STAG1: variants seen among roughly 807,000 people sequenced by gnomAD.
STAG1 encodes the protein STAG1 cohesin complex component, also known as cohesin subunit SA-1.
STAG1 carries 26 observed loss-of-function variants against 170.9 expected under a neutral mutation model. The observed-to-expected ratio is 0.15, with a 90% CI of 0.11 to 0.21. The LOEUF (loss-of-function observed/expected upper bound fraction) is 0.21, where lower values mean the gene tolerates loss of function less well. Among genes scored for constraint, STAG1 ranks in the 10% least tolerant of loss-of-function variants. The pLI is 1.00. For synonymous variants in STAG1, 514 were observed against 497.7 expected, an observed-to-expected ratio of 1.03 and a Z score of -0.44; for missense variants, 964 against 1,509.5, an observed-to-expected ratio of 0.64 and a Z score of 5.99.
rs1936946442 is a variant in STAG1, at chr3:136,363,265, G to A, written c.2787+101C>T. 8 of 606,966 alleles carry A rather than the reference G, an allele frequency of 1.3e-5. No individual in the cohort carries two copies. In the Admixed American group the frequency reaches 2.2e-4, roughly 17 times the overall value. 37.6% of individuals were successfully genotyped at this position (606,966 alleles called of 1,614,324 possible). ...ATGCACTGACAAAATGATATAAAAT[G>A]ACCTAGTTTAAATGAGATGAGATAC... On this transcript the variant is annotated intron_variant, in intron 26 of 33. Coordinates refer to ENST00000383202, the MANE Select transcript of STAG1 (RefSeq NM_005862.3).
At chr3:136,414,278 A>G (rs1386631714) in intron 21 of STAG1, among the ~76,000 whole-genome samples, 1 of 152,200 alleles carries the variant, frequency 6.6e-6, no homozygotes, top group Non-Finnish European at 1.5e-5. Context: ...AAAACTGGAG[A>G]CAACCCTCTC....
chr3:136,516,713 C>A (rs1224080339), intron 7 of STAG1, among the ~76,000 whole-genome samples: 1 of 152,054 alleles, frequency 6.6e-6, no homozygotes, highest in Admixed American at 6.6e-5. Flanking sequence ...TACTATTATC[C>A]GTTTTTCTCA....
intron 1 of STAG1, among the ~76,000 whole-genome samples, chr3:136,715,028 A>T (rs1252866044): frequency 2.8e-5 from 4 of 141,734 alleles, no homozygotes; most frequent in African/African-American, 7.8e-5. Context: ...TATATATATA[A>T]AATAAAAGTC....
chr3:136,637,909 G>A (rs1940635759), intron 1 of STAG1, among the ~76,000 whole-genome samples: 1 of 146,458 alleles, frequency 6.8e-6, no homozygotes, highest in Admixed American at 6.8e-5. Context: ...GTCTTGCTCT[G>A]TAGCCCAGGT....
chr3:136,461,128 A>T (rs1018515214), intron 13 of STAG1, among the ~76,000 whole-genome samples: 4 of 152,224 alleles, frequency 2.6e-5, no homozygotes, highest in Non-Finnish European at 4.4e-5. Flanking sequence ...GAAAGAAATC[A>T]ACACCCCTTC....
chr3:136,555,472 T>C (rs983927982), intron 5 of STAG1, among the ~76,000 whole-genome samples: 11 of 151,756 alleles, frequency 7.2e-5, no homozygotes, highest in African/African-American at 2.4e-4. Context: ...TCACTGGAGG[T>C]CAGGAGTTTG....
intron 1 of STAG1, among the ~76,000 whole-genome samples, chr3:136,632,170 A>C (rs2107839233): frequency 6.6e-6 from 1 of 152,154 alleles, no homozygotes; most frequent in East Asian, 1.9e-4. Flanking sequence ...ATAATCTTTC[A>C]AAAAAATGAA....
In STAG1 at chr3:136,338,244, T is replaced by A; in HGVS notation, c.*10A>T. 1 of 1,594,730 alleles carries A rather than the reference T, an allele frequency of 6.3e-7. No individual in the cohort carries two copies. Among genetic ancestry groups the A allele is most frequent in the Non-Finnish European group, 8.6e-7 (1 of 1,164,624 alleles). On this transcript the variant is annotated 3_prime_UTR_variant, in exon 34 of 34. Transcript: ENST00000383202. Reference sequence around the variant, plus strand: ...AATAGAGTTCCAGATTTGTAAATTTTCTTCAGACTTCAGAACATAGGCATT... The same window carrying A: ...AATAGAGTTCCAGATTTGTAAATTTACTTCAGACTTCAGAACATAGGCATT...
chr3:136,674,982 G>A (rs905823517), intron 1 of STAG1, among the ~76,000 whole-genome samples: 1 of 152,162 alleles, frequency 6.6e-6, no homozygotes, highest in East Asian at 1.9e-4. Flanking sequence ...ACTAAAAACA[G>A]TAAATTGTGA....
chr3:136,720,119 T>C (rs1933146784), intron 1 of STAG1, among the ~76,000 whole-genome samples: 1 of 144,808 alleles, frequency 6.9e-6, no homozygotes, highest in Non-Finnish European at 1.5e-5. Flanking sequence ...GAGGTTGTGG[T>C]AAGCTGAGAT....
intron 1 of STAG1, among the ~76,000 whole-genome samples, chr3:136,662,965 C>T (rs1178372722): frequency 6.6e-6 from 1 of 152,026 alleles, no homozygotes. Flanking sequence ...GCAGGAGAAT[C>T]GCTTGAACCT....
At chr3:136,555,255 T>G (rs1296892817) in intron 5 of STAG1, among the ~76,000 whole-genome samples, 1 of 151,870 alleles carries the variant, frequency 6.6e-6, no homozygotes, top group Non-Finnish European at 1.5e-5. Flanking sequence ...TGCATGCCTG[T>G]AGTCCTAGCT....
chr3:136,595,625 C>A (rs919163769), intron 4 of STAG1, among the ~76,000 whole-genome samples: 1 of 151,214 alleles, frequency 6.6e-6, no homozygotes, highest in African/African-American at 2.4e-5. Flanking sequence ...TGTAGTGAGC[C>A]GAGACCGCAC....
intron 1 of STAG1, among the ~76,000 whole-genome samples, chr3:136,715,697 G>A (rs959090924): frequency 6.6e-5 from 10 of 151,492 alleles, no homozygotes; most frequent in Middle Eastern, 3.4e-3. Flanking sequence ...AAAGGGAATT[G>A]TGAAAAACGT....
At chr3:136,585,924 G>T (rs369482591) in intron 4 of STAG1, among the ~76,000 whole-genome samples, 1 of 152,156 alleles carries the variant, frequency 6.6e-6, no homozygotes, top group South Asian at 2.1e-4. Flanking sequence ...TGTACAATGA[G>T]AAACTGCACA....
chr3:136,447,776 C>T (rs1490699530), intron 14 of STAG1, among the ~76,000 whole-genome samples: 1 of 151,770 alleles, frequency 6.6e-6, no homozygotes, highest in Non-Finnish European at 1.5e-5. Context: ...CGCCACCAGG[C>T]CCAGCTAATT....
chr3:136,542,072 T>C (rs369059318), intron 6 of STAG1, 47 bp downstream of exon 6: 1 of 1,318,256 alleles, frequency 7.6e-7, no homozygotes, highest in Non-Finnish European at 1.1e-6. Flanking sequence ...ATATTCATCA[T>C]GTGAAAGTAT....
chr3:136,379,865 T>C (rs1468361950), intron 22 of STAG1, among the ~76,000 whole-genome samples: 1 of 152,192 alleles, frequency 6.6e-6, no homozygotes, highest in Non-Finnish European at 1.5e-5. Flanking sequence ...CGTTAAATCA[T>C]TTGAATATTG....
At chr3:136,455,837 T>C (rs969411969) in intron 13 of STAG1, among the ~76,000 whole-genome samples, 3 of 152,142 alleles carry the variant, frequency 2.0e-5, no homozygotes, top group Non-Finnish European at 2.9e-5. Flanking sequence ...ATTTCCCAGG[T>C]TGGGAAATAA....
Sources: allele counts gnomAD v4.1 joint callset (sites outside exome capture counted in the v4.1 genomes callset), GRCh38; gene constraint gnomAD v4.1.1; transcripts MANE v1.5; gene names NCBI Gene and HGNC (gene_info 2026-07-23, HGNC 2026-07-21).